The following WNT9A variants were observed in gnomAD, a reference collection of about 807,000 sequenced individuals.
WNT9A encodes the protein protein Wnt-9a.
Under a neutral mutation model 31.4 loss-of-function variants are expected in WNT9A, and 8 were observed. The observed-to-expected ratio is 0.26, with a 90% CI of 0.15 to 0.46. The LOEUF (loss-of-function observed/expected upper bound fraction) is 0.46, where lower values mean the gene tolerates loss of function less well. Ranked by LOEUF, WNT9A falls within the 20% of genes least tolerant of loss-of-function variation. WNT9A has a pLI of 0.99. For missense variants in WNT9A, 457 were observed against 522.9 expected (o/e 0.87, Z 1.23); for synonymous variants, 236 against 220.1 (o/e 1.07, Z -0.64).
chr1:227,924,560 C>T (rs1666384453), intron 2 of WNT9A, among the ~76,000 whole-genome samples, 160 bp from the exon 3 acceptor site: 1 of 152,196 alleles, frequency 6.6e-6, no homozygotes, highest in Non-Finnish European at 1.5e-5. Flanking sequence ...GCCCTGGCCA[C>T]CACAGGGTAG....
chr1:227,941,497 G>A (rs545006945), intron 1 of WNT9A: 144 of 154,234 alleles, frequency 9.3e-4, no homozygotes, highest in African/African-American at 3.3e-3. Context: ...GAGACTCCAT[G>A]GGGACCCTCC....
chr1:227,924,845 A>AG (rs1234647670), intron 2 of WNT9A, among the ~76,000 whole-genome samples: 1 of 151,548 alleles, frequency 6.6e-6, no homozygotes, highest in Non-Finnish European at 1.5e-5. Context: ...AGCCCCTGGG[A>AG]GGGGGCGGGA....
At chr1:227,947,674 C>A (rs1413743987) in intron 1 of WNT9A, 119 bp downstream of exon 1, 12 of 467,988 alleles carry the variant, frequency 2.6e-5, no homozygotes, top group African/African-American at 2.1e-4. Flanking sequence ...CCAGGCAACC[C>A]GGCGGCCCCG....
In WNT9A at chr1:227,936,367, T is replaced by C. The variant is rs563062074; in HGVS notation, c.96-10848A>G. ...AACATGCCCAGCTAATTTTTTTGTA[T>C]TTTTAGTAGAGACGGGGTTTTGCCA... On this transcript the variant is annotated intron_variant, in intron 1 of 3. Transcript: ENST00000272164. Among the ~76,000 whole-genome samples the C allele has an allele frequency of 3.9e-5, 6 of 152,258 alleles. No individual in the cohort carries two copies. The East Asian group carries it at 1.2e-3, about 29-fold the overall frequency.
chr1:227,931,544 A>C (rs1288222636), intron 1 of WNT9A, among the ~76,000 whole-genome samples: 4 of 152,186 alleles, frequency 2.6e-5, no homozygotes, highest in African/African-American at 4.8e-5. Flanking sequence ...CTTTACTGAG[A>C]TACACAGGCA....
intron 1 of WNT9A, among the ~76,000 whole-genome samples, chr1:227,944,394 A>C (rs1216903031): frequency 1.3e-5 from 2 of 152,206 alleles, no homozygotes; most frequent in Non-Finnish European, 2.9e-5. Context: ...CCTAATGCGT[A>C]TGAGGTTTCT....
rs1225178786 is a variant in WNT9A at position 227,920,315 on chromosome 1, A to G, written c.*1203T>C. 6.6e-6 allele frequency: 1 copy of G among 152,250 alleles called. No homozygotes were observed. The highest frequency in any genetic ancestry group is 1.5e-5 in the Non-Finnish European group (1 of 68,042). 9.4% of individuals were successfully genotyped at this position (152,250 alleles called of 1,614,324 possible). ...TATCTCGATTTAGTGGTTTCAAACA[A>G]CTAAGCAGATCAGAGGCAGGGTTAG... is the stretch of plus-strand genomic sequence containing the variant. On this transcript the variant is annotated 3_prime_UTR_variant, in exon 4 of 4. Transcript: ENST00000272164.
At chr1:227,935,400 C>T (rs185892964) in intron 1 of WNT9A, among the ~76,000 whole-genome samples, 3 of 152,302 alleles carry the variant, frequency 2.0e-5, no homozygotes, top group Admixed American at 1.3e-4. Context: ...CAATCTCAGG[C>T]TGCCAAACAG....
chr1:227,935,717 T>A (rs142093972), intron 1 of WNT9A, among the ~76,000 whole-genome samples: 1 of 152,334 alleles, frequency 6.6e-6, no homozygotes, highest in African/African-American at 2.4e-5. Flanking sequence ...GGTTTTTTCA[T>A]CCTCTTTTCC....
At position 227,923,420 on chromosome 1, in the gene WNT9A, C is replaced by T. The variant is rs576065251; in HGVS notation, c.615+718G>A. On this transcript the variant is annotated intron_variant, in intron 3 of 3. Transcript: ENST00000272164. ...GCAGAGTGGGGTTACAGGTCCAGCC[C>T]GGACTCCCCCAGACATGTGGACCTG... 3.7e-4 allele frequency among the ~76,000 whole-genome samples: 57 copies of T among 152,248 alleles called. No homozygotes were observed. In the South Asian group the frequency reaches 0.01, roughly 27 times the overall value.
chr1:227,928,750 C>T lies in WNT9A; in HGVS notation c.96-3231G>A, dbSNP rs775003458. ...CAGGTGGGGCTCTCTTTCTGCCACACGACAGAGCCACAGAAGGGCTGAAGA... is the reference window on the plus strand; with the variant it reads ...CAGGTGGGGCTCTCTTTCTGCCACATGACAGAGCCACAGAAGGGCTGAAGA... On this transcript the variant is annotated intron_variant, in intron 1 of 3. Transcript: ENST00000272164. This position sits in a 1 kb window ranked among gnomAD's most constrained non-coding sequence, Gnocchi z 4.5. Among the ~76,000 whole-genome samples the T allele has an allele frequency of 5.4e-4, 82 of 152,166 alleles. No individual in the cohort carries two copies. Among genetic ancestry groups the T allele is most frequent in the African/African-American group, 7.2e-4 (30 of 41,432 alleles).
intron 2 of WNT9A, among the ~76,000 whole-genome samples, chr1:227,924,698 C>T (rs1163767055): frequency 1.3e-5 from 2 of 152,246 alleles, no homozygotes; most frequent in East Asian, 3.9e-4. Context: ...CACCATGGGG[C>T]CATTGGCAAG....
At chr1:227,922,225 C>A (rs946350074) in intron 3 of WNT9A, among the ~76,000 whole-genome samples, 4 of 152,226 alleles carry the variant, frequency 2.6e-5, no homozygotes, top group African/African-American at 9.6e-5. Flanking sequence ...GGCTCCAGGG[C>A]CGGCACCTCA....
intron 3 of WNT9A, among the ~76,000 whole-genome samples, chr1:227,922,468 A>G (rs1666338712): frequency 6.6e-6 from 1 of 152,128 alleles, no homozygotes; most frequent in Admixed American, 6.5e-5. Context: ...CCCTACCCCT[A>G]ATATCGGGAA....
At chr1:227,934,196 G>A (rs1666553855) in intron 1 of WNT9A, among the ~76,000 whole-genome samples, 1 of 152,202 alleles carries the variant, frequency 6.6e-6, no homozygotes, top group African/African-American at 2.4e-5. Flanking sequence ...CTTCTCTTGG[G>A]TATACACCTG....
intron 1 of WNT9A, among the ~76,000 whole-genome samples, chr1:227,936,892 A>G (rs1314919935): frequency 1.3e-5 from 2 of 151,952 alleles, no homozygotes; most frequent in Admixed American, 6.6e-5. Context: ...GCTTTATTCA[A>G]TTTCGGAAAA....
At chr1:227,923,638 G>A (rs1438667723) in intron 3 of WNT9A, among the ~76,000 whole-genome samples, 2 of 152,118 alleles carry the variant, frequency 1.3e-5, no homozygotes, top group Non-Finnish European at 2.9e-5. Flanking sequence ...GGCAGAAAGA[G>A]ACTCCCCTGA....
intron 1 of WNT9A, among the ~76,000 whole-genome samples, chr1:227,927,886 G>GA (rs1666446127): frequency 6.6e-6 from 1 of 151,930 alleles, no homozygotes; most frequent in Non-Finnish European, 1.5e-5. Context: ...AGGGGGAGGG[G>GA]AGAGGGAGGG....
rs1214210700 is a variant in WNT9A, at chr1:227,942,758, G to A, written c.95+5035C>T. Among the ~76,000 whole-genome samples the A allele has an allele frequency of 1.3e-5, 2 of 152,164 alleles. No homozygotes were observed. Among genetic ancestry groups the A allele is most frequent in the Non-Finnish European group, 2.9e-5 (2 of 68,008 alleles). ...GGGGTGTCCTAAGTTGTTGGAGGGGGTGGGTCTCCAGGACAGTGCCTGCCC... is the reference window on the plus strand; with the variant it reads ...GGGGTGTCCTAAGTTGTTGGAGGGGATGGGTCTCCAGGACAGTGCCTGCCC... On this transcript the variant is annotated intron_variant, in intron 1 of 3. Coordinates refer to ENST00000272164, the MANE Select transcript of WNT9A (RefSeq NM_003395.4). The surrounding 1 kb of genome is among the most constrained non-coding windows in gnomAD (Gnocchi z 5.7).
Sources: gnomAD v4.1 joint callset for allele counts (sites outside exome capture counted in the v4.1 genomes callset) on GRCh38, gnomAD v4.1.1 for gene constraint, Gnocchi (gnomAD v3.1) non-coding constraint, MANE v1.5 for transcripts, NCBI Gene and HGNC (gene_info 2026-07-23, HGNC 2026-07-21) for gene names.